Variants in CCDC81 observed in about 807,000 individuals in gnomAD.
CCDC81 encodes coiled-coil domain containing 81, also known as coiled-coil domain-containing protein 81.
A neutral mutation model predicts 83.7 loss-of-function variants in CCDC81; 79 were observed. That is an observed-to-expected ratio of 0.94 (90% CI 0.79 to 1.14). CCDC81 has a LOEUF of 1.14. Among genes scored for constraint, CCDC81 ranks in the 50% most tolerant of loss-of-function variants. CCDC81 has a pLI of 0.00. For synonymous variants in CCDC81, 252 were observed against 278.1 expected, an observed-to-expected ratio of 0.91 and a Z score of 0.93; for missense variants, 791 against 778.1, an observed-to-expected ratio of 1.02 and a Z score of -0.20.
At chr11:86,388,713 TTTTC>T (rs1270884080) in intron 3 of CCDC81, among the ~76,000 whole-genome samples, 7 of 152,198 alleles carry the variant, frequency 4.6e-5, no homozygotes, top group Admixed American at 4.6e-4. Flanking sequence ...TTTTTTTTTC[TTTTC>T]TTTGTTTCTC....
Position 86,415,016 on chromosome 11 carries a change from TACC to T in CCDC81, c.1471-74_1471-72del, listed in dbSNP as rs1327531526. ...TCCTTCCTGTAAGATGCTGGTATTT[TACC>T]ACATTACAGGGTTGTGCATAAAGCT... On this transcript the variant is annotated intron_variant, in intron 12 of 14. Coordinates refer to ENST00000445632, the MANE Select transcript of CCDC81 (RefSeq NM_001156474.2). 1.5e-5 allele frequency: 22 copies of T among 1,506,228 alleles called. No individual in the cohort carries two copies. The African/African-American group carries it at 2.1e-4, about 14-fold the overall frequency. The allele number at this position is 1,506,228 out of a possible 1,614,324, so 93.3% of individuals were successfully genotyped here.
In CCDC81 at chr11:86,408,147, G is replaced by C; in HGVS notation, c.990G>C (p.Leu330Phe). 1 of 1,612,704 alleles carries C rather than the reference G, an allele frequency of 6.2e-7. No individual in the cohort carries two copies. The highest frequency in any genetic ancestry group is 8.5e-7 in the Non-Finnish European group (1 of 1,179,716). Residue 330 changes from leucine (L) to phenylalanine (F), a missense_variant, in exon 9 of 15, where the codon TTG becomes TTC. By Grantham distance (22) the Leu-to-Phe change is conservative. Transcript: ENST00000445632. Reference protein sequence around the residue: ...KAGQEMCYVCLQRAQRNSLLY... With the variant: ...KAGQEMCYVCFQRAQRNSLLY... ...TGTAGGAAATGTGCTATGTATGTTT[G>C]CAACGAGCACAACGAAATTCCCTGT...
Position 86,392,608 on chromosome 11 carries a change from A to G in CCDC81, c.366A>G (p.Val122=). ...ISLEGPFNRD[V]VEGCVKETLL... The stretch of plus-strand genomic sequence containing the variant: ...TGGAGGGTCCATTTAACAGAGATGT[A>G]GTGGAAGGATGTGTGAAGGAGACGT... The change falls in exon 4 of 15, where the codon GTA becomes GTG. Residue 122 remains valine, a synonymous_variant. Coordinates refer to ENST00000445632, the MANE Select transcript of CCDC81 (RefSeq NM_001156474.2). 6.4e-7 allele frequency: 1 copy of G among 1,551,680 alleles called. No individual in the cohort carries two copies. Among genetic ancestry groups the G allele is most frequent in the Non-Finnish European group, 8.7e-7 (1 of 1,146,974 alleles).
chr11:86,398,274 C>G (rs58354189), intron 6 of CCDC81, among the ~76,000 whole-genome samples: 7,896 of 152,238 alleles, frequency 0.052, 454 homozygotes, highest in African/African-American at 0.14. Context: ...TCTTTGCTGG[C>G]TCCCCATTGC....
At chr11:86,407,081 G>A (rs1948575566) in intron 7 of CCDC81, among the ~76,000 whole-genome samples, 1 of 151,996 alleles carries the variant, frequency 6.6e-6, no homozygotes, top group African/African-American at 2.4e-5. Context: ...CACTTCCTTG[G>A]TAAGAACTTC....
At chr11:86,377,680 CAG>C (rs1379619571) in intron 1 of CCDC81, among the ~76,000 whole-genome samples, 1 of 152,024 alleles carries the variant, frequency 6.6e-6, no homozygotes, top group African/African-American at 2.4e-5. Context: ...TTTTGCATGA[CAG>C]TGTCTTTTGC....
intron 7 of CCDC81, among the ~76,000 whole-genome samples, chr11:86,405,613 A>G (rs1347058094): frequency 1.3e-5 from 2 of 151,970 alleles, no homozygotes; most frequent in Admixed American, 6.6e-5. Flanking sequence ...TATGCTTTCA[A>G]TTTCCTTCAA....
At chr11:86,381,925 T>C (rs1948182148) in intron 1 of CCDC81, among the ~76,000 whole-genome samples, 1 of 151,940 alleles carries the variant, frequency 6.6e-6, no homozygotes, top group South Asian at 2.1e-4. Context: ...AGAGTGGAAG[T>C]GAGTTGAAAA....
chr11:86,397,964 C>T (rs932809247), intron 6 of CCDC81, among the ~76,000 whole-genome samples: 1 of 151,986 alleles, frequency 6.6e-6, no homozygotes, highest in Non-Finnish European at 1.5e-5. Flanking sequence ...ACTCTCCTGC[C>T]TCAGCCTCCC....
rs1471420644 is a variant in CCDC81, at chr11:86,397,825, G to C, written c.757+83G>C. The C allele has an allele frequency of 8.4e-6, 12 of 1,434,066 alleles. No individual in the cohort carries two copies. In the South Asian group the frequency reaches 1.1e-4, roughly 13 times the overall value. The allele number at this position is 1,434,066 out of a possible 1,614,324, so 88.8% of individuals were successfully genotyped here. A position where few individuals can be genotyped will look rare whatever the true frequency, so the allele number is the denominator to read the frequency against. On this transcript the variant is annotated intron_variant, in intron 6 of 14. Transcript: ENST00000445632. ...TATTGCTTAGCCCAAGGTAAATAAAGTTAAATTTACAAATAATCACTATAT... is the reference window on the plus strand; with the variant it reads ...TATTGCTTAGCCCAAGGTAAATAAACTTAAATTTACAAATAATCACTATAT...
intron 2 of CCDC81, among the ~76,000 whole-genome samples, chr11:86,387,011 C>T (rs1462217217): frequency 6.6e-6 from 1 of 152,148 alleles, no homozygotes; most frequent in East Asian, 1.9e-4. Flanking sequence ...GAGACAGAAA[C>T]CCAGTATGAG....
chr11:86,419,835 G>GTT (rs112703220), intron 13 of CCDC81, 93 bp from the exon 14 acceptor site: 31 of 1,381,302 alleles, frequency 2.2e-5, no homozygotes, highest in African/African-American at 1.3e-4. Flanking sequence ...AAACCAGAAG[G>GTT]TTTTTTTTGT....
chr11:86,404,058 C>T lies in CCDC81; in HGVS notation c.881+3257C>T, dbSNP rs922417820. Among the ~76,000 whole-genome samples, 5 of 151,982 alleles carry T rather than the reference C, an allele frequency of 3.3e-5. 1 individual carries two copies. The highest frequency in any genetic ancestry group is 4.2e-4 in the South Asian group (2 of 4,816). On this transcript the variant is annotated intron_variant, in intron 7 of 14. Transcript: ENST00000445632. Reference sequence around the variant, plus strand: ...TAGTGAGTCTGTAAAATTTTCACTCCGAGTTAGAGGATTAAAAAAAATACA... The same window carrying T: ...TAGTGAGTCTGTAAAATTTTCACTCTGAGTTAGAGGATTAAAAAAAATACA...
intron 1 of CCDC81, among the ~76,000 whole-genome samples, chr11:86,378,942 C>A (rs1230267799): frequency 1.3e-5 from 2 of 152,080 alleles, no homozygotes; most frequent in East Asian, 1.9e-4. Context: ...TTAATTGGTA[C>A]ACTTAGCCTA....
chr11:86,414,145 C>G lies in CCDC81; in HGVS notation c.1392-644C>G, dbSNP rs1221568583. 3.9e-5 allele frequency among the ~76,000 whole-genome samples: 6 copies of G among 152,104 alleles called. No homozygotes were observed. In the East Asian group the frequency reaches 1.2e-3, roughly 29 times the overall value. On this transcript the variant is annotated intron_variant, in intron 11 of 14. Transcript: ENST00000445632. The stretch of plus-strand genomic sequence containing the variant: ...CAGTTTATAGAATGAATAGTCACTT[C>G]CTGCTTTCTTATGTAGATTTTTAAA...
chr11:86,412,797 G>T (rs1948665018), intron 11 of CCDC81, among the ~76,000 whole-genome samples: 1 of 152,152 alleles, frequency 6.6e-6, no homozygotes, highest in Non-Finnish European at 1.5e-5. Flanking sequence ...CTCTAGGAGA[G>T]CATACAGATG....
intron 13 of CCDC81, among the ~76,000 whole-genome samples, chr11:86,418,335 T>A (rs943569528): frequency 6.6e-6 from 1 of 152,192 alleles, no homozygotes; most frequent in African/African-American, 2.4e-5. Flanking sequence ...TACTGTATCA[T>A]CCAGTAATTC....
At chr11:86,395,302 A>G in intron 4 of CCDC81, 32 bp from the exon 5 acceptor site, 1 of 1,584,918 alleles carries the variant, frequency 6.3e-7, no homozygotes, top group Non-Finnish European at 8.7e-7. Flanking sequence ...ACCTCAGCCT[A>G]GATGTAACCT....
chr11:86,395,366 C>T lies in CCDC81; in HGVS notation c.588C>T (p.Ser196=). 6.2e-7 allele frequency: 1 copy of T among 1,614,102 alleles called. No homozygotes were observed. The highest frequency in any genetic ancestry group is 1.3e-5 in the African/African-American group (1 of 75,036). ...RPGTVDSVLS[S]REALRKWPSS... is the part of the protein sequence containing the mutation. ...GCACTGTGGACTCGGTGTTGTCTAG[C>T]AGAGAGGCCTTGAGGAAGTGGCCCA... The change falls in exon 5 of 15, where the codon AGC becomes AGT. Residue 196 remains serine, a synonymous_variant. Transcript: ENST00000445632.
Sources: allele counts gnomAD v4.1 joint callset (sites outside exome capture counted in the v4.1 genomes callset), GRCh38; gene constraint gnomAD v4.1.1; transcripts MANE v1.5; gene names NCBI Gene and HGNC (gene_info 2026-07-23, HGNC 2026-07-21).